Variants in PDE8A observed in about 807,000 individuals in gnomAD.
PDE8A encodes the protein phosphodiesterase 8A.
A neutral mutation model predicts 105.0 loss-of-function variants in PDE8A; 59 were observed. The observed-to-expected ratio is 0.56, with a 90% CI of 0.46 to 0.70. The LOEUF (loss-of-function observed/expected upper bound fraction) is 0.70, where lower values mean the gene tolerates loss of function less well. Among genes scored for constraint, PDE8A ranks in the 30% least tolerant of loss-of-function variants. PDE8A has a pLI of 0.00. For missense variants in PDE8A, 1,014 were observed against 1,045.9 expected, an observed-to-expected ratio of 0.97 and a Z score of 0.42; for synonymous variants, 355 against 371.9, an observed-to-expected ratio of 0.95 and a Z score of 0.52.
chr15:85,115,799 T>C, intron 15 of PDE8A, 185 bp from the exon 16 acceptor site: 1 of 575,688 alleles, frequency 1.7e-6, no homozygotes, highest in Non-Finnish European at 3.0e-6. Context: ...CAGGTGCCTG[T>C]AATCCCACTA....
intron 6 of PDE8A, 135 bp downstream of exon 6, chr15:85,083,779 C>T (rs772009634): frequency 8.1e-6 from 5 of 615,742 alleles, no homozygotes; most frequent in Non-Finnish European, 1.5e-5. Flanking sequence ...GGCAACTCCC[C>T]TCGTACAGAC....
chr15:85,115,919 C>CAAAAAA, intron 15 of PDE8A, 65 bp from the exon 16 acceptor site: 15 of 1,184,850 alleles, frequency 1.3e-5, no homozygotes, highest in South Asian at 2.9e-5. Flanking sequence ...GATTCCGTCT[C>CAAAAAA]AAAAAAAAAA....
Position 85,064,359 on chromosome 15 carries a change from C to G in PDE8A, c.187-11C>G. On this transcript the variant is annotated splice_polypyrimidine_tract_variant and intron_variant, in intron 1 of 21. Coordinates refer to ENST00000394553, the MANE Select transcript of PDE8A (RefSeq NM_002605.3). Reference sequence around the variant, plus strand: ...TGTCTTTTCATTTTTAAGCCAATCTCTTTCTTACAGGTAGCAGTAGCTGAT... The same window carrying G: ...TGTCTTTTCATTTTTAAGCCAATCTGTTTCTTACAGGTAGCAGTAGCTGAT... 1 of 1,598,958 alleles carries G rather than the reference C, an allele frequency of 6.3e-7. No individual in the cohort carries two copies. The highest frequency in any genetic ancestry group is 8.6e-7 in the Non-Finnish European group (1 of 1,167,832).
intron 7 of PDE8A, 80 bp downstream of exon 7, chr15:85,089,496 GA>G: frequency 3.5e-5 from 25 of 706,132 alleles, no homozygotes; most frequent in South Asian, 5.9e-5. Flanking sequence ...TCTCCAATAT[GA>G]TTTTTTTTTT....
chr15:84,983,607 C>T (rs138414697), intron 1 of PDE8A, among the ~76,000 whole-genome samples: 118 of 152,278 alleles, frequency 7.7e-4, no homozygotes, highest in African/African-American at 2.7e-3. Context: ...TTTAAAGAAA[C>T]CTCTGATGGT....
rs1347686113 is a variant in PDE8A at position 85,091,136 on chromosome 15, G to T, written c.807G>T (p.Lys269Asn). ...ELGEVPINEK[K>N]ADLLDTINSC... ...GAGAAGTGCCTATAAATGAAAAAAAGGCTGACTTGCTCGATACTATAAATT... is the reference window on the plus strand; with the variant it reads ...GAGAAGTGCCTATAAATGAAAAAAATGCTGACTTGCTCGATACTATAAATT... The change falls in exon 8 of 22, where the codon AAG (lysine) becomes AAT (asparagine). Residue 269 changes from lysine (K) to asparagine (N), a missense_variant. Physicochemically the swap from Lys to Asn is moderately conservative, Grantham distance 94 (BLOSUM62 0). Coordinates refer to ENST00000394553, the MANE Select transcript of PDE8A (RefSeq NM_002605.3). The T allele has an allele frequency of 8.1e-6, 13 of 1,613,362 alleles. No homozygotes were observed. The highest frequency in any genetic ancestry group is 1.3e-5 in the African/African-American group (1 of 74,888).
intron 6 of PDE8A, among the ~76,000 whole-genome samples, chr15:85,085,794 G>T (rs1382213596): frequency 1.3e-5 from 2 of 151,898 alleles, no homozygotes; most frequent in Admixed American, 1.3e-4. Flanking sequence ...GATCACCTGA[G>T]GTCAGGAGTT....
intron 12 of PDE8A, among the ~76,000 whole-genome samples, chr15:85,109,360 C>T (rs183184500): frequency 6.6e-6 from 1 of 152,302 alleles, no homozygotes; most frequent in East Asian, 1.9e-4. Context: ...AGATACATTT[C>T]CCATATATTC....
chr15:85,021,129 G>T (rs1341154313), intron 1 of PDE8A, among the ~76,000 whole-genome samples: 3 of 152,194 alleles, frequency 2.0e-5, no homozygotes, highest in Admixed American at 1.3e-4. Flanking sequence ...GAGGGAGCTT[G>T]TTCTCCTGTC....
intron 1 of PDE8A, among the ~76,000 whole-genome samples, chr15:84,983,645 A>T (rs1466883952): frequency 6.6e-6 from 1 of 152,248 alleles, no homozygotes; most frequent in Non-Finnish European, 1.5e-5. Context: ...AGGTGCTCTT[A>T]ATATCAGTGT....
At chr15:85,007,717 A>C (rs927006446) in intron 1 of PDE8A, among the ~76,000 whole-genome samples, 12 of 152,176 alleles carry the variant, frequency 7.9e-5, no homozygotes, top group African/African-American at 2.7e-4. Context: ...TGGGAGGATT[A>C]AATGAGTCTC....
chr15:84,993,442 C>CAAAAAAAAAA (rs11362736), intron 1 of PDE8A, among the ~76,000 whole-genome samples: 17 of 73,088 alleles, frequency 2.3e-4, no homozygotes, highest in African/African-American at 4.8e-4. Context: ...GACTCCATCT[C>CAAAAAAAAAA]AAAAAAAAAA....
chr15:85,128,233 A>C (rs963969856), intron 20 of PDE8A, among the ~76,000 whole-genome samples: 1 of 152,204 alleles, frequency 6.6e-6, no homozygotes, highest in Non-Finnish European at 1.5e-5. Flanking sequence ...AGCCAGGTGC[A>C]GTGGCTTATA....
chr15:85,096,078 C>G (rs1274416789), intron 8 of PDE8A, among the ~76,000 whole-genome samples: 1 of 151,292 alleles, frequency 6.6e-6, no homozygotes, highest in African/African-American at 2.4e-5. Context: ...GGTTTCACCA[C>G]GTTGGCCAGG....
intron 11 of PDE8A, among the ~76,000 whole-genome samples, chr15:85,102,052 A>G (rs567612401): frequency 2.0e-5 from 3 of 152,314 alleles, no homozygotes; most frequent in South Asian, 2.1e-4. Context: ...AGCAAGTAGC[A>G]CAGATGTGGA....
chr15:85,076,405 A>G (rs1321341490), intron 4 of PDE8A, among the ~76,000 whole-genome samples: 1 of 151,858 alleles, frequency 6.6e-6, no homozygotes, highest in Non-Finnish European at 1.5e-5. Flanking sequence ...GGGAGAAAGG[A>G]ATTAAAAAAA....
intron 9 of PDE8A, 145 bp from the exon 10 acceptor site, chr15:85,099,870 G>A (rs2081829240): frequency 3.0e-6 from 2 of 665,224 alleles, no homozygotes; most frequent in Admixed American, 2.6e-5. Flanking sequence ...ATTTATTGGT[G>A]GCCTTGGTCA....
intron 3 of PDE8A, among the ~76,000 whole-genome samples, chr15:85,068,213 T>C (rs150804498): frequency 1.7e-4 from 26 of 152,194 alleles, no homozygotes; most frequent in African/African-American, 6.0e-4. Flanking sequence ...GCTAATTTTG[T>C]ATTTTTAATA....
At chr15:85,019,561 A>G (rs2141350096) in intron 1 of PDE8A, among the ~76,000 whole-genome samples, 1 of 151,874 alleles carries the variant, frequency 6.6e-6, no homozygotes, top group Non-Finnish European at 1.5e-5. Context: ...TCTTAATACT[A>G]TTCATTATTT....
Sources: allele counts gnomAD v4.1 joint callset (sites outside exome capture counted in the v4.1 genomes callset), GRCh38; gene constraint gnomAD v4.1.1; transcripts MANE v1.5; gene names NCBI Gene and HGNC (gene_info 2026-07-23, HGNC 2026-07-21).